CMTR1: variants seen among roughly 807,000 people sequenced by gnomAD.
CMTR1 encodes the protein cap-specific mRNA (nucleoside-2'-O-)-methyltransferase 1.
In CMTR1, 39 loss-of-function variants were observed where a neutral mutation model predicts 107.0. That is an observed-to-expected ratio of 0.36 (90% confidence interval 0.28 to 0.48). CMTR1 has a LOEUF of 0.48. Ranked by LOEUF, CMTR1 falls within the 20% of genes least tolerant of loss-of-function variation. CMTR1 has a pLI of 0.99. For missense variants in CMTR1, 672 were observed against 1,064.9 expected, an observed-to-expected ratio of 0.63 and a Z score of 5.14; for synonymous variants, 366 against 379.5, an observed-to-expected ratio of 0.96 and a Z score of 0.41.
rs367579711 is a variant in CMTR1, at chr6:37,471,850, A to G, written c.1566A>G (p.Thr522=). Residue 522 remains threonine, a synonymous_variant, in exon 15 of 24, where the codon ACA becomes ACG. Transcript: ENST00000373451. ...AKIHAFVQDT[T]LSEPRQAEIR... is the part of the protein sequence containing the mutation. ...CTAACTGGCTTCATATTCCCAGGAC[A>G]CTGAGTGAGCCTCGACAGGCAGAGA... 4 of 1,613,840 alleles carry G rather than the reference A, an allele frequency of 2.5e-6. No individual in the cohort carries two copies. Among genetic ancestry groups the G allele is most frequent in the Non-Finnish European group, 2.5e-6 (3 of 1,179,934 alleles).
chr6:37,462,176 T>C (rs1761414628), intron 12 of CMTR1, 74 bp downstream of exon 12: 1 of 1,537,136 alleles, frequency 6.5e-7, no homozygotes, highest in East Asian at 2.3e-5. Context: ...TGCATCTCTC[T>C]GGCATGACCT....
At position 37,451,811 on chromosome 6, in the gene CMTR1, G is replaced by A. The variant is rs1252007322; in HGVS notation, c.543G>A (p.Lys181=). 3.1e-6 allele frequency: 5 copies of A among 1,612,848 alleles called. No homozygotes were observed. Among genetic ancestry groups the A allele is most frequent in the Non-Finnish European group, 4.2e-6 (5 of 1,179,182 alleles). ...MSDWMVVGKR[K]MIIEDETEFC... ...CTGCTTTTTTCTCCCTGTAGAGAAA[G>A]ATGATTATTGAAGATGAAACAGAGT... The change falls in exon 6 of 24, where the codon AAG becomes AAA. Residue 181 remains lysine, a synonymous_variant. Coordinates refer to ENST00000373451, the MANE Select transcript of CMTR1 (RefSeq NM_015050.3).
chr6:37,436,659 C>G (rs1771536457), intron 2 of CMTR1, among the ~76,000 whole-genome samples: 1 of 152,120 alleles, frequency 6.6e-6, no homozygotes, highest in Non-Finnish European at 1.5e-5. Flanking sequence ...TACCTTTCCT[C>G]TGTGTGTGTC....
intron 6 of CMTR1, among the ~76,000 whole-genome samples, chr6:37,452,834 C>T (rs962886389): frequency 1.3e-5 from 2 of 151,982 alleles, no homozygotes; most frequent in Non-Finnish European, 2.9e-5. Flanking sequence ...ATGTGCCAGG[C>T]ACCTGTTTAC....
chr6:37,428,795 T>C (rs971140543), upstream of CMTR1, among the ~76,000 whole-genome samples: 1 of 152,204 alleles, frequency 6.6e-6, no homozygotes, highest in South Asian at 2.1e-4. Context: ...CATTTTGATT[T>C]TGACAACTTT....
the CMTR1 span, among the ~76,000 whole-genome samples, chr6:37,426,512 G>A: frequency 6.6e-6 from 1 of 151,736 alleles, no homozygotes; most frequent in South Asian, 2.1e-4. Flanking sequence ...ATGAGCCTGA[G>A]GTATAGAGTT....
intron 14 of CMTR1, 125 bp downstream of exon 14, chr6:37,471,202 C>T: frequency 1.3e-6 from 1 of 781,438 alleles, no homozygotes; most frequent in South Asian, 1.9e-5. Flanking sequence ...TTCTCATACT[C>T]TGCTATGGTC....
intron 8 of CMTR1, among the ~76,000 whole-genome samples, chr6:37,455,607 A>G (rs1761275432): frequency 6.6e-6 from 1 of 152,200 alleles, no homozygotes; most frequent in Non-Finnish European, 1.5e-5. Flanking sequence ...TCTGTGAAGC[A>G]TTGCAGAAGA....
intron 12 of CMTR1, 145 bp downstream of exon 12, chr6:37,462,247 T>A: frequency 1.0e-6 from 1 of 964,462 alleles, no homozygotes; most frequent in Non-Finnish European, 1.6e-6. Flanking sequence ...GGATTCAGGA[T>A]TCCTGGATCT....
chr6:37,480,674 TG>T lies in CMTR1; in HGVS notation c.*530del. 2.0e-6 allele frequency: 2 copies of T among 1,023,408 alleles called. No homozygotes were observed. The allele number at this position is 1,023,408 out of a possible 1,614,324, so 63.4% of individuals were successfully genotyped here. On this transcript the variant is annotated 3_prime_UTR_variant, in exon 24 of 24. Coordinates refer to ENST00000373451, the MANE Select transcript of CMTR1 (RefSeq NM_015050.3). ...TTTCTTTGAACTTACTCTGTTTTGA[TG>T]CCAAATTGGAGACCATTTTCTTGTC...
chr6:37,443,841 C>G (rs932702691), intron 2 of CMTR1, among the ~76,000 whole-genome samples, 158 bp from the exon 3 acceptor site: 7 of 152,130 alleles, frequency 4.6e-5, no homozygotes, highest in East Asian at 1.9e-4. Flanking sequence ...GATTACCTAG[C>G]TAGTAAGAGG....
intron 13 of CMTR1, among the ~76,000 whole-genome samples, chr6:37,470,149 A>G (rs1199778092): frequency 1.4e-5 from 2 of 145,758 alleles, no homozygotes; most frequent in Non-Finnish European, 3.0e-5. Context: ...TATGTCATTC[A>G]CCCTTTTTTT....
chr6:37,427,285 G>A, the CMTR1 span, among the ~76,000 whole-genome samples: 131 of 152,122 alleles, frequency 8.6e-4, no homozygotes, highest in Non-Finnish European at 1.4e-3. The surrounding 1 kb of genome is among the most constrained non-coding windows in gnomAD (Gnocchi z 4.4). Flanking sequence ...CCATATTCCC[G>A]GTGCTTCCTA....
chr6:37,457,290 C>T (rs1761315360), intron 8 of CMTR1, among the ~76,000 whole-genome samples: 3 of 151,812 alleles, frequency 2.0e-5, no homozygotes, highest in Admixed American at 2.0e-4. Flanking sequence ...TGTAATTATG[C>T]CAAAATTCAA....
intron 5 of CMTR1, among the ~76,000 whole-genome samples, chr6:37,451,164 T>C (rs901403072): frequency 2.6e-5 from 4 of 152,196 alleles, no homozygotes; most frequent in African/African-American, 9.7e-5. Flanking sequence ...TGTTTTGATT[T>C]TTAATAATAT....
intron 4 of CMTR1, among the ~76,000 whole-genome samples, chr6:37,448,347 G>A (rs1455696284): frequency 2.0e-5 from 3 of 152,154 alleles, no homozygotes; most frequent in Non-Finnish European, 2.9e-5. Context: ...CTGCAGCCTA[G>A]GAATGTGGAG....
chr6:37,460,445 A>G (rs868768292), intron 10 of CMTR1, among the ~76,000 whole-genome samples: 34 of 151,820 alleles, frequency 2.2e-4, no homozygotes, highest in Middle Eastern at 3.4e-3. Flanking sequence ...CTAATGAGGC[A>G]GCTGTTGCTG....
At position 37,472,324 on chromosome 6, in the gene CMTR1, C is replaced by T. The variant is rs1166544935; in HGVS notation, c.1621-95C>T. ...TTTGTTGTGTGCCATTCCTCCTCCC[C>T]AGTCTGACCCTATCTCCTCCACCTG... On this transcript the variant is annotated intron_variant, in intron 15 of 23. Transcript: ENST00000373451. The surrounding 1 kb of genome is among the most constrained non-coding windows in gnomAD (Gnocchi z 4.1). 2 of 1,108,962 alleles carry T rather than the reference C, an allele frequency of 1.8e-6. No homozygotes were observed. The highest frequency in any genetic ancestry group is 3.5e-5 in the Admixed American group (2 of 57,586). 68.7% of individuals were successfully genotyped at this position (1,108,962 alleles called of 1,614,324 possible).
chr6:37,441,789 A>G (rs1388485804), intron 2 of CMTR1, among the ~76,000 whole-genome samples: 2 of 152,182 alleles, frequency 1.3e-5, no homozygotes, highest in Non-Finnish European at 2.9e-5. Flanking sequence ...AAGAAATATC[A>G]GTTCACCTCT....
Sources: allele counts gnomAD v4.1 joint callset (sites outside exome capture counted in the v4.1 genomes callset), GRCh38; gene constraint gnomAD v4.1.1; non-coding constraint Gnocchi (gnomAD v3.1); transcripts MANE v1.5; gene names NCBI Gene and HGNC (gene_info 2026-07-23, HGNC 2026-07-21).